ARID2: variants seen among roughly 807,000 people sequenced by gnomAD.
The protein encoded by ARID2 is AT-rich interactive domain-containing protein 2.
Under a neutral mutation model 184.6 loss-of-function variants are expected in ARID2, and 32 were observed. The ratio of observed to expected loss-of-function variants is 0.17; its 90% CI spans 0.13 to 0.23. The LOEUF (loss-of-function observed/expected upper bound fraction) is 0.23, where lower values mean the gene tolerates loss of function less well. Ranked by LOEUF, ARID2 falls within the 10% of genes least tolerant of loss-of-function variation. The pLI, the probability that ARID2 is intolerant of heterozygous loss-of-function variation, is 1.00. For missense variants in ARID2, 1,696 were observed against 2,197.6 expected (o/e 0.77, Z 4.56); for synonymous variants, 836 against 772.6 (o/e 1.08, Z -1.36).
At chr12:45,810,717 G>A (rs1942691431) in intron 3 of ARID2, among the ~76,000 whole-genome samples, 1 of 152,048 alleles carries the variant, frequency 6.6e-6, no homozygotes, top group Non-Finnish European at 1.5e-5. Context: ...TGTTATTGCT[G>A]ATAAGTGAAT....
At chr12:45,853,588 G>A (rs1187032009) in intron 15 of ARID2, among the ~76,000 whole-genome samples, 1 of 152,170 alleles carries the variant, frequency 6.6e-6, no homozygotes, top group Non-Finnish European at 1.5e-5. Flanking sequence ...GGTCCAATCA[G>A]GCTATGAGGA....
intron 16 of ARID2, among the ~76,000 whole-genome samples, chr12:45,873,326 A>G (rs962930727): frequency 1.3e-5 from 2 of 152,116 alleles, no homozygotes; most frequent in Admixed American, 6.6e-5. Context: ...GTGTATTTAG[A>G]TCATTCTCAT....
Position 45,907,934 on chromosome 12 carries a change from C to T in ARID2, c.*2856C>T. The T allele has an allele frequency of 4.3e-6, 1 of 231,576 alleles. No homozygotes were observed. Among genetic ancestry groups the T allele is most frequent in the Non-Finnish European group, 8.5e-6 (1 of 117,098 alleles). 14.3% of individuals were successfully genotyped at this position (231,576 alleles called of 1,614,324 possible). On this transcript the variant is annotated 3_prime_UTR_variant, in exon 21 of 21. Transcript: ENST00000334344. ...GGATTGTGACTATATATTAATGAGA[C>T]TCAGTAATCCAACCCACACCTGAGA... is the stretch of plus-strand genomic sequence containing the variant.
Position 45,729,714 on chromosome 12 carries a change from A to G in ARID2, c.-123A>G, listed in dbSNP as rs1203063902. ...CCGCCGCCGCCGCCACCGCCGGCCC[A>G]TGACTGAGCCCCGCCGCCGCCGGCC... On this transcript the variant is annotated 5_prime_UTR_variant, in exon 1 of 21. The change abolishes an upstream ATG in the 5' untranslated region. Coordinates refer to ENST00000334344, the MANE Select transcript of ARID2 (RefSeq NM_152641.4). The G allele has an allele frequency of 1.1e-5, 8 of 730,192 alleles. No homozygotes were observed. The East Asian group carries it at 1.7e-4, about 15-fold the overall frequency. 45.2% of individuals were successfully genotyped at this position (730,192 alleles called of 1,614,324 possible). A position where few individuals can be genotyped will look rare whatever the true frequency, so the allele number is the denominator to read the frequency against.
intron 3 of ARID2, among the ~76,000 whole-genome samples, chr12:45,765,515 T>G (rs1478142212): frequency 7.4e-6 from 1 of 134,352 alleles, no homozygotes; most frequent in Non-Finnish European, 1.6e-5. Context: ...CTGGCCTCGG[T>G]TTTTTTTTTT....
At chr12:45,829,376 G>GC (rs1316683116) in intron 6 of ARID2, among the ~76,000 whole-genome samples, 1 of 151,874 alleles carries the variant, frequency 6.6e-6, no homozygotes, top group African/African-American at 2.4e-5. Flanking sequence ...GTAGCTCATT[G>GC]CTAAAAATGT....
At chr12:45,894,948 C>T (rs771767034) in intron 20 of ARID2, among the ~76,000 whole-genome samples, 1 of 152,136 alleles carries the variant, frequency 6.6e-6, no homozygotes, top group Non-Finnish European at 1.5e-5. Flanking sequence ...TTCCAATGCT[C>T]ATACTATTCT....
Position 45,907,231 on chromosome 12 carries a change from A to G in ARID2, c.*2153A>G, listed in dbSNP as rs1013171772. On this transcript the variant is annotated 3_prime_UTR_variant, in exon 21 of 21. Transcript: ENST00000334344. ...ACAAGCACCTGGTAGTTGACATCAT[A>G]TGGGGAATTTTCTATTCACCGTACT... is the stretch of plus-strand genomic sequence containing the variant. The G allele has an allele frequency of 2.6e-5, 6 of 232,802 alleles. No homozygotes were observed. The highest frequency in any genetic ancestry group is 8.8e-5 in the African/African-American group (4 of 45,320). The allele number at this position is 232,802 out of a possible 1,614,324, so 14.4% of individuals were successfully genotyped here.
intron 3 of ARID2, among the ~76,000 whole-genome samples, chr12:45,748,862 G>A (rs1043120024): frequency 6.6e-6 from 1 of 151,920 alleles, no homozygotes; most frequent in Non-Finnish European, 1.5e-5. Flanking sequence ...TGAGATTGCA[G>A]CAGTTCAGTC....
intron 11 of ARID2, chr12:45,846,209 A>C (rs1943436475): frequency 6.6e-6 from 1 of 152,162 alleles, no homozygotes; most frequent in South Asian, 2.1e-4. Flanking sequence ...AAAAAAGTAT[A>C]ATTCAAATTT....
chr12:45,865,704 C>G (rs945445856), intron 16 of ARID2, among the ~76,000 whole-genome samples: 1 of 152,014 alleles, frequency 6.6e-6, no homozygotes, highest in African/African-American at 2.4e-5. Flanking sequence ...GTAATCTGGT[C>G]TTAAGGAAAT....
chr12:45,873,191 C>T (rs776598096), intron 16 of ARID2, among the ~76,000 whole-genome samples: 1 of 152,166 alleles, frequency 6.6e-6, no homozygotes, highest in East Asian at 1.9e-4. Flanking sequence ...ATAATTATTG[C>T]CACTCCAGCT....
At chr12:45,893,803 ATT>A in intron 20 of ARID2, 82 bp downstream of exon 20, 1 of 1,179,662 alleles carries the variant, frequency 8.5e-7, no homozygotes, top group African/African-American at 1.6e-5. Context: ...AGATAACTGT[ATT>A]TTCTTCATTG....
intron 3 of ARID2, among the ~76,000 whole-genome samples, chr12:45,753,859 G>T (rs1459101930): frequency 1.3e-5 from 2 of 152,106 alleles, no homozygotes; most frequent in African/African-American, 4.8e-5. Context: ...CTTCCAAAGT[G>T]CTGGAATTAT....
At chr12:45,840,290 A>G (rs1290195218) in intron 11 of ARID2, 1 of 152,078 alleles carries the variant, frequency 6.6e-6, no homozygotes, top group East Asian at 1.9e-4. Context: ...TGAATGGAGG[A>G]TGCTCGTGTT....
chr12:45,846,773 G>A (rs1456711579), intron 11 of ARID2, 83 bp from the exon 12 acceptor site: 16 of 1,240,168 alleles, frequency 1.3e-5, no homozygotes, highest in Admixed American at 1.9e-5. Context: ...TTGTGTTAAT[G>A]GGTTCAATAT....
chr12:45,905,214 G>GAGAT lies in ARID2; in HGVS notation c.*137_*138insGATA. ...TTATCTCCTCCCATGATGCTGAGAG[G>GAGAT]AAGCTTCGTATTCTGATCTCTGAGT... On this transcript the variant is annotated 3_prime_UTR_variant, in exon 21 of 21. Coordinates refer to ENST00000334344, the MANE Select transcript of ARID2 (RefSeq NM_152641.4). The GAGAT allele has an allele frequency of 1.2e-6, 1 of 851,820 alleles. No individual in the cohort carries two copies. 52.8% of individuals were successfully genotyped at this position (851,820 alleles called of 1,614,324 possible).
intron 3 of ARID2, among the ~76,000 whole-genome samples, chr12:45,786,358 T>A (rs965609562): frequency 6.6e-6 from 1 of 152,186 alleles, no homozygotes; most frequent in Admixed American, 6.5e-5. Context: ...AAATTTGAAA[T>A]ACACATTCTG....
At chr12:45,733,543 T>G (rs969989333) in intron 3 of ARID2, among the ~76,000 whole-genome samples, 1 of 152,240 alleles carries the variant, frequency 6.6e-6, no homozygotes, top group African/African-American at 2.4e-5. Context: ...TTTTTTAATA[T>G]GAACTGCTTT....
Sources: gnomAD v4.1 joint callset for allele counts (sites outside exome capture counted in the v4.1 genomes callset) on GRCh38, gnomAD v4.1.1 for gene constraint, MANE v1.5 for transcripts, NCBI Gene and HGNC (gene_info 2026-07-23, HGNC 2026-07-21) for gene names.